The following PDE6A variants were observed in gnomAD, a reference collection of about 807,000 sequenced individuals.
The protein encoded by PDE6A is rod cGMP-specific 3',5'-cyclic phosphodiesterase subunit alpha.
Under a neutral mutation model 106.3 loss-of-function variants are expected in PDE6A, and 84 were observed. The ratio of observed to expected loss-of-function variants is 0.79; its 90% CI spans 0.66 to 0.95. The LOEUF (loss-of-function observed/expected upper bound fraction) is 0.95, where lower values mean the gene tolerates loss of function less well. PDE6A is among the 40% of genes least tolerant of loss of function. The pLI is 0.00. For missense variants in PDE6A, 1,052 were observed against 1,084.9 expected (o/e 0.97, Z 0.43); for synonymous variants, 394 against 386.6 (o/e 1.02, Z -0.23).
intron 16 of PDE6A, 125 bp from the exon 17 acceptor site, chr5:149,883,661 A>G: frequency 1.4e-6 from 1 of 739,518 alleles, no homozygotes; most frequent in Non-Finnish European, 2.4e-6. Context: ...CAAGGTTGAA[A>G]GAGCCAAGGC....
At chr5:149,907,509 C>A in intron 6 of PDE6A, 131 bp from the exon 7 acceptor site, 1 of 714,864 alleles carries the variant, frequency 1.4e-6, no homozygotes, top group Non-Finnish European at 2.5e-6. Context: ...CTACACCTGA[C>A]CAAACCCAAA....
At chr5:149,877,837 A>C (rs1218620194) in intron 17 of PDE6A, among the ~76,000 whole-genome samples, 3 of 152,188 alleles carry the variant, frequency 2.0e-5, no homozygotes, top group African/African-American at 4.8e-5. Context: ...CTGAACATGG[A>C]TTGCAGGATG....
chr5:149,912,707 G>A (rs1278084016), intron 6 of PDE6A, among the ~76,000 whole-genome samples: 1 of 152,090 alleles, frequency 6.6e-6, no homozygotes, highest in African/African-American at 2.4e-5. Flanking sequence ...CACCCATACT[G>A]GGATGGTGAA....
intron 8 of PDE6A, among the ~76,000 whole-genome samples, chr5:149,900,593 G>T (rs573047205): frequency 5.3e-4 from 81 of 151,720 alleles, no homozygotes; most frequent in African/African-American, 1.9e-3. Context: ...GTCAAGGAAG[G>T]CTTCCTGGAG....
intron 4 of PDE6A, among the ~76,000 whole-genome samples, chr5:149,924,549 CAAAT>C (rs1753821222): frequency 6.6e-6 from 1 of 151,882 alleles, no homozygotes; most frequent in Admixed American, 6.6e-5. Flanking sequence ...TTATACTACT[CAAAT>C]GAATGAGATA....
At chr5:149,926,676 C>T (rs1471908641) in intron 4 of PDE6A, among the ~76,000 whole-genome samples, 1 of 152,060 alleles carries the variant, frequency 6.6e-6, no homozygotes, top group East Asian at 1.9e-4. Flanking sequence ...TAAAAACACA[C>T]CATTAAGAGA....
At chr5:149,918,864 C>T (rs1753627887) in intron 5 of PDE6A, among the ~76,000 whole-genome samples, 1 of 151,986 alleles carries the variant, frequency 6.6e-6, no homozygotes, top group Admixed American at 6.6e-5. Context: ...CTTAAGTGAT[C>T]CTTCTGCCTC....
At chr5:149,873,151 C>T (rs1268976732) in intron 17 of PDE6A, among the ~76,000 whole-genome samples, 2 of 152,062 alleles carry the variant, frequency 1.3e-5, no homozygotes, top group East Asian at 3.9e-4. Flanking sequence ...GTCTTCATAC[C>T]AACACAATCA....
chr5:149,896,672 G>A lies in PDE6A; in HGVS notation c.1473+39C>T, dbSNP rs918837308. 6 of 1,613,916 alleles carry A rather than the reference G, an allele frequency of 3.7e-6. No individual in the cohort carries two copies. In the Admixed American group the frequency reaches 5.0e-5, roughly 13 times the overall value. On this transcript the variant is annotated intron_variant, in intron 11 of 21. Coordinates refer to ENST00000255266, the MANE Select transcript of PDE6A (RefSeq NM_000440.3). Reference sequence around the variant, plus strand: ...GCATGCTCAGGAGCACTTTGCACTTGTTATACATCGGGGCTCGTGCTGCCC... The same window carrying A: ...GCATGCTCAGGAGCACTTTGCACTTATTATACATCGGGGCTCGTGCTGCCC...
intron 6 of PDE6A, among the ~76,000 whole-genome samples, chr5:149,909,903 A>G (rs145825641): frequency 4.6e-5 from 7 of 152,312 alleles, no homozygotes; most frequent in Non-Finnish European, 8.8e-5. Flanking sequence ...GCTTTTTGTT[A>G]CTGGCTTAAA....
chr5:149,901,194 G>A (rs991465727), intron 8 of PDE6A, among the ~76,000 whole-genome samples: 1 of 152,060 alleles, frequency 6.6e-6, no homozygotes, highest in African/African-American at 2.4e-5. Context: ...GGGATTACAG[G>A]TGTGAACCAT....
Position 149,863,144 on chromosome 5 carries a change from C to T in PDE6A, c.2481G>A (p.Lys827=), listed in dbSNP as rs1760202151. The part of the protein sequence containing the change: ...DAKMKVQEEK[K]QKQQSAKSAA... ...CTGACTTGGCCGACTGCTGTTTCTG[C>T]TTCTTCTCCTCCTGCACCTTCATCT... Residue 827 remains lysine, a synonymous_variant, in exon 21 of 22, where the codon AAG becomes AAA. Coordinates refer to ENST00000255266, the MANE Select transcript of PDE6A (RefSeq NM_000440.3). The surrounding 1 kb of genome is among the most constrained non-coding windows in gnomAD (Gnocchi z 4.7). 1 of 1,612,718 alleles carries T rather than the reference C, an allele frequency of 6.2e-7. No individual in the cohort carries two copies. The highest frequency in any genetic ancestry group is 2.2e-5 in the East Asian group (1 of 44,888).
intron 6 of PDE6A, among the ~76,000 whole-genome samples, chr5:149,913,086 T>C (rs893192529): frequency 2.0e-5 from 3 of 151,916 alleles, no homozygotes; most frequent in Admixed American, 6.5e-5. Flanking sequence ...CTTTAGAAGA[T>C]AATAAGGGAA....
intron 17 of PDE6A, among the ~76,000 whole-genome samples, chr5:149,870,166 G>A (rs572114127): frequency 5.9e-5 from 9 of 152,238 alleles, no homozygotes; most frequent in South Asian, 2.1e-4. Context: ...GCATGTGCCC[G>A]TAGTCCCAGC....
Position 149,867,767 on chromosome 5 carries a change from T to C in PDE6A, c.2232A>G (p.Glu744=). 6.2e-7 allele frequency: 1 copy of C among 1,613,798 alleles called. No individual in the cohort carries two copies. Residue 744 remains glutamate (E), a synonymous_variant, in exon 19 of 22, where the codon GAA becomes GAG. Coordinates refer to ENST00000255266, the MANE Select transcript of PDE6A (RefSeq NM_000440.3). The part of the protein sequence containing the change: ...VALLVAAEFW[E]QGDLERTVLQ... ...GCACCGTGCGCTCCAGGTCACCTTG[T>C]TCCCAGAATTCAGCAGCCACCAGCA...
At position 149,898,363 on chromosome 5, in the gene PDE6A, C is replaced by T. The variant is rs727504073; in HGVS notation, c.1407G>A (p.Leu469=). Residue 469 remains leucine (L), a splice_region_variant and synonymous_variant, in exon 10 of 22, where the codon TTG becomes TTA. Transcript: ENST00000255266. The stretch of plus-strand genomic sequence containing the variant: ...GAAACAAGTAAAGAACATTACACAC[C>T]AAGATTTTCTGAATTTCTTCATTGT... ...KCDNEEIQKI[L]KTREVYGKEP... 3.1e-6 allele frequency: 5 copies of T among 1,613,240 alleles called. No homozygotes were observed. The highest frequency in any genetic ancestry group is 4.2e-6 in the Non-Finnish European group (5 of 1,179,386).
chr5:149,876,572 G>A (rs533485406), intron 17 of PDE6A, among the ~76,000 whole-genome samples: 2 of 151,838 alleles, frequency 1.3e-5, no homozygotes, highest in African/African-American at 2.4e-5. Flanking sequence ...GTTCCATACC[G>A]GCTCACTGCA....
intron 21 of PDE6A, among the ~76,000 whole-genome samples, chr5:149,861,406 C>T (rs1366986327): frequency 6.6e-6 from 1 of 152,246 alleles, no homozygotes; most frequent in Non-Finnish European, 1.5e-5. Context: ...CCCAACACTT[C>T]AGGAGGCTGA....
At chr5:149,939,558 A>G (rs921387055) in intron 1 of PDE6A, among the ~76,000 whole-genome samples, 5 of 152,206 alleles carry the variant, frequency 3.3e-5, no homozygotes, top group South Asian at 2.1e-4. Flanking sequence ...TCGTAATAGT[A>G]ATAAGGAACG....
Sources: allele counts gnomAD v4.1 joint callset (sites outside exome capture counted in the v4.1 genomes callset), GRCh38; gene constraint gnomAD v4.1.1; non-coding constraint Gnocchi (gnomAD v3.1); transcripts MANE v1.5; gene names NCBI Gene and HGNC (gene_info 2026-07-23, HGNC 2026-07-21).